FOXJ3: variants seen among roughly 807,000 people sequenced by gnomAD.
FOXJ3 encodes the protein forkhead box protein J3.
In FOXJ3, 22 loss-of-function variants were observed where a neutral mutation model predicts 76.1. The observed-to-expected ratio is 0.29, with a 90% CI of 0.21 to 0.41. FOXJ3 has a LOEUF of 0.41. Among genes scored for constraint, FOXJ3 ranks in the 10% least tolerant of loss-of-function variants. The pLI is 1.00. For synonymous variants in FOXJ3, 269 were observed against 261.2 expected, an observed-to-expected ratio of 1.03 and a Z score of -0.29; for missense variants, 613 against 762.1, an observed-to-expected ratio of 0.80 and a Z score of 2.30.
At chr1:42,278,142 C>T (rs188735538) in intron 3 of FOXJ3, among the ~76,000 whole-genome samples, 13 of 152,236 alleles carry the variant, frequency 8.5e-5, no homozygotes, top group African/African-American at 2.9e-4. Flanking sequence ...CTACATCAGT[C>T]CTATAACATA....
At chr1:42,207,628 G>C (rs1298867748) in intron 5 of FOXJ3, among the ~76,000 whole-genome samples, 2 of 152,074 alleles carry the variant, frequency 1.3e-5, no homozygotes, top group African/African-American at 2.4e-5. Flanking sequence ...GATCCTAATT[G>C]TACATGCATT....
chr1:42,210,715 G>A (rs1286416902), intron 5 of FOXJ3, among the ~76,000 whole-genome samples: 3 of 152,062 alleles, frequency 2.0e-5, no homozygotes, highest in Non-Finnish European at 4.4e-5. Flanking sequence ...GATAACCAAG[G>A]AAATCTCATA....
At chr1:42,290,471 T>C (rs1653347192) in intron 2 of FOXJ3, among the ~76,000 whole-genome samples, 1 of 152,154 alleles carries the variant, frequency 6.6e-6, no homozygotes, top group Non-Finnish European at 1.5e-5. Context: ...CTGACTTACA[T>C]GAAAATCCCA....
chr1:42,187,365 A>T (rs892507020), intron 11 of FOXJ3, among the ~76,000 whole-genome samples: 12 of 152,358 alleles, frequency 7.9e-5, no homozygotes, highest in African/African-American at 2.9e-4. Flanking sequence ...CAGAAGCAAC[A>T]ATTTTGGATG....
intron 2 of FOXJ3, among the ~76,000 whole-genome samples, chr1:42,305,518 G>A (rs968203716): frequency 1.3e-4 from 20 of 152,178 alleles, no homozygotes; most frequent in African/African-American, 4.6e-4. Context: ...ATCAACAGAT[G>A]AACAGATAAA....
At position 42,196,758 on chromosome 1, in the gene FOXJ3, T is replaced by C. The variant is rs934449491; in HGVS notation, c.760-1694A>G. ...ACACGGCAGTTTAACCCTCTTACAT[T>C]TATTGGCACAACGAACATGTTAGCT... is the stretch of plus-strand genomic sequence containing the variant. On this transcript the variant is annotated intron_variant, in intron 7 of 12. Coordinates refer to ENST00000361346, the MANE Select transcript of FOXJ3 (RefSeq NM_014947.5). 2.0e-5 allele frequency among the ~76,000 whole-genome samples: 3 copies of C among 152,190 alleles called. No individual in the cohort carries two copies. The South Asian group carries it at 6.2e-4, about 32-fold the overall frequency.
intron 2 of FOXJ3, among the ~76,000 whole-genome samples, chr1:42,304,297 G>A (rs946951580): frequency 1.3e-5 from 2 of 151,710 alleles, no homozygotes; most frequent in Admixed American, 6.6e-5. Context: ...TGGAGTAGAA[G>A]AACCAATATT....
At chr1:42,290,264 T>A (rs1386799649) in intron 2 of FOXJ3, among the ~76,000 whole-genome samples, 3 of 152,156 alleles carry the variant, frequency 2.0e-5, no homozygotes, top group Non-Finnish European at 4.4e-5. Flanking sequence ...TAGGAATAAG[T>A]TAAGCTAGAA....
intron 12 of FOXJ3, 120 bp downstream of exon 12, chr1:42,181,797 C>T (rs1646324788): frequency 1.6e-6 from 1 of 615,216 alleles, no homozygotes; most frequent in Non-Finnish European, 2.8e-6. Context: ...CAATATTAAA[C>T]TCTGGGTAAT....
intron 5 of FOXJ3, among the ~76,000 whole-genome samples, chr1:42,211,485 T>G (rs1351707674): frequency 2.0e-5 from 3 of 152,114 alleles, no homozygotes; most frequent in South Asian, 4.2e-4. Context: ...TCAGTGCATT[T>G]CACCGAGAGC....
chr1:42,237,481 T>C (rs1208201084), intron 4 of FOXJ3, among the ~76,000 whole-genome samples: 1 of 148,236 alleles, frequency 6.7e-6, no homozygotes, highest in Non-Finnish European at 1.5e-5. Flanking sequence ...TATATGTATA[T>C]ATATATATAT....
At chr1:42,242,650 C>T (rs1203871979) in intron 4 of FOXJ3, among the ~76,000 whole-genome samples, 2 of 151,694 alleles carry the variant, frequency 1.3e-5, no homozygotes, top group African/African-American at 2.4e-5. Context: ...CCCAGGTGAC[C>T]AAGGACACGG....
chr1:42,334,574 C>A (rs1224750617), intron 1 of FOXJ3, among the ~76,000 whole-genome samples: 3 of 152,246 alleles, frequency 2.0e-5, no homozygotes, highest in African/African-American at 7.2e-5. Context: ...GGCCTCCTCT[C>A]CCCAAAGGGC....
chr1:42,304,688 C>A (rs114591809), intron 2 of FOXJ3, among the ~76,000 whole-genome samples: 1 of 152,122 alleles, frequency 6.6e-6, no homozygotes, highest in Non-Finnish European at 1.5e-5. Flanking sequence ...AACTGGATAA[C>A]CACATGCAGA....
intron 4 of FOXJ3, among the ~76,000 whole-genome samples, chr1:42,258,595 C>G (rs1027158747): frequency 1.3e-5 from 2 of 152,078 alleles, no homozygotes; most frequent in African/African-American, 2.4e-5. Flanking sequence ...TGAACAAATA[C>G]AAGTTTTTAT....
At chr1:42,268,497 A>G (rs1651637889) in intron 3 of FOXJ3, among the ~76,000 whole-genome samples, 1 of 152,102 alleles carries the variant, frequency 6.6e-6, no homozygotes, top group Non-Finnish European at 1.5e-5. Flanking sequence ...AGTGCCGGAA[A>G]TGGTAAAAAA....
At chr1:42,324,157 C>CAG (rs1570260033) in intron 1 of FOXJ3, among the ~76,000 whole-genome samples, 1 of 131,182 alleles carries the variant, frequency 7.6e-6, no homozygotes, top group East Asian at 2.2e-4. Flanking sequence ...TATATATACA[C>CAG]TGTGTATATA....
rs114916036 is a variant in FOXJ3, at chr1:42,245,366, C to A, written c.445-17400G>T. 4.1e-3 allele frequency among the ~76,000 whole-genome samples: 627 copies of A among 152,136 alleles called. 3 individuals carry two copies. The highest frequency in any genetic ancestry group is 0.014 in the African/African-American group (584 of 41,512). ...ATACCAAAACCAAACAAGGACACCA[C>A]AAAAAAGAACTGCAGGCCAATTATC... On this transcript the variant is annotated intron_variant, in intron 4 of 12. Transcript: ENST00000361346.
intron 2 of FOXJ3, among the ~76,000 whole-genome samples, chr1:42,310,443 C>CT (rs1381934115): frequency 6.7e-6 from 1 of 148,622 alleles, no homozygotes; most frequent in East Asian, 2.0e-4. Flanking sequence ...CGCACCTGGG[C>CT]TTTTTTCTTT....
Sources: gnomAD v4.1 joint callset for allele counts (sites outside exome capture counted in the v4.1 genomes callset) on GRCh38, gnomAD v4.1.1 for gene constraint, MANE v1.5 for transcripts, NCBI Gene and HGNC (gene_info 2026-07-23, HGNC 2026-07-21) for gene names.